The following LTBP1 variants were observed in gnomAD, a reference collection of about 807,000 sequenced individuals.
The protein encoded by LTBP1 is latent transforming growth factor beta binding protein 1, also known as latent-transforming growth factor beta-binding protein 1.
Under a neutral mutation model 207.6 loss-of-function variants are expected in LTBP1, and 129 were observed. That is an observed-to-expected ratio of 0.62 (90% CI 0.54 to 0.72). The LOEUF is 0.72. LTBP1 is among the 30% of genes least tolerant of loss of function. LTBP1 has a pLI of 0.00. For synonymous variants in LTBP1, 963 were observed against 833.7 expected (o/e 1.16, Z -2.67); for missense variants, 2,281 against 2,217.2 (o/e 1.03, Z -0.58).
chr2:33,119,788 G>C (rs1168269691), intron 4 of LTBP1, among the ~76,000 whole-genome samples: 6 of 152,056 alleles, frequency 3.9e-5, no homozygotes, highest in African/African-American at 1.4e-4. Flanking sequence ...TTGATCTCCC[G>C]ACCTCGTGAT....
chr2:33,035,671 C>T (rs1033081801), intron 3 of LTBP1, among the ~76,000 whole-genome samples: 15 of 152,212 alleles, frequency 9.9e-5, no homozygotes, highest in Admixed American at 4.6e-4. Flanking sequence ...TTAACACTTG[C>T]TGTGTACTCA....
At chr2:32,949,867 C>G (rs1433215675) in intron 2 of LTBP1, among the ~76,000 whole-genome samples, 1 of 152,034 alleles carries the variant, frequency 6.6e-6, no homozygotes, top group African/African-American at 2.4e-5. Context: ...GTCTTCAATC[C>G]TGAAGGAAAC....
At chr2:33,223,372 A>T (rs1329174920) in intron 9 of LTBP1, among the ~76,000 whole-genome samples, 1 of 152,214 alleles carries the variant, frequency 6.6e-6, no homozygotes, top group Non-Finnish European at 1.5e-5. Flanking sequence ...TTGTCTTAAA[A>T]ATATTGTAAG....
intron 5 of LTBP1, among the ~76,000 whole-genome samples, chr2:33,154,668 A>C (rs1348668993): frequency 6.6e-6 from 1 of 151,186 alleles, no homozygotes; most frequent in Non-Finnish European, 1.5e-5. Flanking sequence ...CTTAGTATAC[A>C]TTTGTGAATA....
At chr2:33,110,107 A>G (rs559803863) in intron 3 of LTBP1, among the ~76,000 whole-genome samples, 45 of 152,160 alleles carry the variant, frequency 3.0e-4, no homozygotes, top group African/African-American at 1.1e-3. Flanking sequence ...TTCCCTTTTT[A>G]GAGATGGGGT....
intron 5 of LTBP1, among the ~76,000 whole-genome samples, chr2:33,177,532 G>A (rs543400777): frequency 6.6e-6 from 1 of 152,134 alleles, no homozygotes; most frequent in Non-Finnish European, 1.5e-5. Flanking sequence ...GCCAGGAGTG[G>A]TGGTGGGTGC....
At chr2:33,268,352 A>C (rs1388712933) in intron 15 of LTBP1, among the ~76,000 whole-genome samples, 1 of 152,236 alleles carries the variant, frequency 6.6e-6, no homozygotes, top group African/African-American at 2.4e-5. Context: ...AGTTTCTCCC[A>C]TGATTGAAGA....
At chr2:33,148,674 C>T (rs2150936842) in intron 5 of LTBP1, among the ~76,000 whole-genome samples, 1 of 152,298 alleles carries the variant, frequency 6.6e-6, no homozygotes, top group Non-Finnish European at 1.5e-5. Flanking sequence ...CAGGCATATC[C>T]TTAGCTGGGT....
chr2:33,023,469 T>G (rs1247815843), intron 3 of LTBP1, among the ~76,000 whole-genome samples: 1 of 152,204 alleles, frequency 6.6e-6, no homozygotes, highest in Admixed American at 6.5e-5. Flanking sequence ...GACTCAGCTT[T>G]GGTAAAATAA....
At chr2:33,164,623 T>TA (rs2148231477) in intron 5 of LTBP1, among the ~76,000 whole-genome samples, 1 of 152,200 alleles carries the variant, frequency 6.6e-6, no homozygotes, top group South Asian at 2.1e-4. Flanking sequence ...TCATTTGGAA[T>TA]AAAAAATGAC....
Position 33,247,826 on chromosome 2 carries a change from C to T in LTBP1, c.1999+4042C>T, listed in dbSNP as rs533802798. Among the ~76,000 whole-genome samples the T allele has an allele frequency of 3.9e-5, 6 of 152,310 alleles. No homozygotes were observed. In the South Asian group the frequency reaches 1.0e-3, roughly 26 times the overall value. On this transcript the variant is annotated intron_variant, in intron 10 of 33. Transcript: ENST00000404816. The stretch of plus-strand genomic sequence containing the variant: ...GGCTAGTGCCTAACATATTGAGTGG[C>T]GTAGTTTTGTATCCTTTTTGGCAAG...
At chr2:33,213,330 T>A (rs2090449464) in intron 7 of LTBP1, among the ~76,000 whole-genome samples, 3 of 152,216 alleles carry the variant, frequency 2.0e-5, no homozygotes, top group Admixed American at 1.3e-4. Context: ...GCTTTCCATG[T>A]TAATGTAGTG....
chr2:33,136,348 A>G (rs1289644270), intron 5 of LTBP1, among the ~76,000 whole-genome samples: 1 of 152,192 alleles, frequency 6.6e-6, no homozygotes, highest in Non-Finnish European at 1.5e-5. Flanking sequence ...GCTAATCCGT[A>G]GGGCATGCCA....
intron 23 of LTBP1, among the ~76,000 whole-genome samples, chr2:33,312,937 C>T (rs2094208861): frequency 6.6e-6 from 1 of 151,868 alleles, no homozygotes; most frequent in African/African-American, 2.4e-5. Context: ...AGTGGAACTT[C>T]ATGCCACCTT....
At chr2:33,197,331 A>G (rs186007312) in intron 7 of LTBP1, among the ~76,000 whole-genome samples, 381 of 152,338 alleles carry the variant, frequency 2.5e-3, no homozygotes, top group Non-Finnish European at 4.6e-3. Flanking sequence ...GGTAGTCTAC[A>G]TATATGTGAA....
intron 5 of LTBP1, among the ~76,000 whole-genome samples, chr2:33,164,377 A>T (rs940746676): frequency 6.7e-6 from 1 of 149,982 alleles, no homozygotes; most frequent in African/African-American, 2.5e-5. Context: ...AAAAAAAAAA[A>T]AAAGATTAAG....
intron 6 of LTBP1, 150 bp from the exon 7 acceptor site, chr2:33,188,427 C>CTAAAAAAA (rs2087448860): frequency 3.4e-6 from 1 of 298,392 alleles, no homozygotes; most frequent in Non-Finnish European, 5.7e-6. Flanking sequence ...AACTCCATCT[C>CTAAAAAAA]AAAAAAAAAA....
chr2:33,213,868 TA>T (rs1360058402), intron 7 of LTBP1, among the ~76,000 whole-genome samples: 3 of 152,214 alleles, frequency 2.0e-5, no homozygotes, highest in African/African-American at 2.4e-5. Flanking sequence ...TTGGATGGCT[TA>T]TGCTGCTCTT....
At chr2:33,332,849 A>C (rs1226101491) in intron 24 of LTBP1, 1 of 152,266 alleles carries the variant, frequency 6.6e-6, no homozygotes, top group African/African-American at 2.4e-5. Flanking sequence ...AACTTGGTGC[A>C]CTCAAGGGAG....
Sources: gnomAD v4.1 joint callset for allele counts (sites outside exome capture counted in the v4.1 genomes callset) on GRCh38, gnomAD v4.1.1 for gene constraint, MANE v1.5 for transcripts, NCBI Gene and HGNC (gene_info 2026-07-23, HGNC 2026-07-21) for gene names.